The following FYN variants were observed in gnomAD, a reference collection of about 807,000 sequenced individuals.
FYN encodes tyrosine-protein kinase Fyn.
FYN carries 10 observed loss-of-function variants against 70.2 expected under a neutral mutation model. The ratio of observed to expected loss-of-function variants is 0.14; its 90% CI spans 0.09 to 0.24. The LOEUF is 0.24. Among genes scored for constraint, FYN ranks in the 10% least tolerant of loss-of-function variants. The pLI is 1.00. For synonymous variants in FYN, 236 were observed against 248.6 expected (o/e 0.95, Z 0.48); for missense variants, 319 against 673.1 (o/e 0.47, Z 5.82).
intron 6 of FYN, among the ~76,000 whole-genome samples, 183 bp downstream of exon 6, chr6:111,707,739 A>T (rs953659458): frequency 6.6e-6 from 1 of 152,216 alleles, no homozygotes; most frequent in South Asian, 2.1e-4. Flanking sequence ...GCTTCAAGAG[A>T]AACATTAAGT....
chr6:111,724,768 C>T (rs553380959), intron 3 of FYN, among the ~76,000 whole-genome samples: 1 of 152,194 alleles, frequency 6.6e-6, no homozygotes, highest in Admixed American at 6.5e-5. Context: ...TAGGCATAAT[C>T]CCTGCTTCTG....
chr6:111,783,355 T>C (rs1197243954), intron 2 of FYN, among the ~76,000 whole-genome samples: 3 of 152,054 alleles, frequency 2.0e-5, no homozygotes, highest in East Asian at 3.9e-4. Context: ...CTGATGAGAT[T>C]TCCACTCACA....
chr6:111,714,279 G>A (rs1325264390), intron 5 of FYN, 68 bp downstream of exon 5: 1 of 960,604 alleles, frequency 1.0e-6, no homozygotes, highest in African/African-American at 1.6e-5. Flanking sequence ...AAGAGATGCA[G>A]ACCAGAAATG....
chr6:111,689,621 C>T (rs190159326), intron 12 of FYN, among the ~76,000 whole-genome samples: 8 of 152,234 alleles, frequency 5.3e-5, no homozygotes, highest in Non-Finnish European at 1.0e-4. Context: ...AACTACTGTT[C>T]CATGCAGCAA....
intron 3 of FYN, among the ~76,000 whole-genome samples, chr6:111,749,149 A>T (rs1229680954): frequency 6.6e-6 from 1 of 152,192 alleles, no homozygotes; most frequent in African/African-American, 2.4e-5. Flanking sequence ...TAGTGCTGAC[A>T]TTTGGAATCT....
intron 1 of FYN, among the ~76,000 whole-genome samples, chr6:111,851,461 A>T (rs557148420): frequency 2.6e-5 from 4 of 152,296 alleles, no homozygotes; most frequent in Admixed American, 6.5e-5. Context: ...AGAGCACACA[A>T]CTTCTGACAG....
intron 8 of FYN, chr6:111,702,534 T>A (rs768156367): frequency 3.3e-5 from 6 of 179,282 alleles, no homozygotes; most frequent in Admixed American, 6.1e-5. Context: ...GGAGTCCCCA[T>A]GTAAGCGCCC....
At chr6:111,683,149 AG>A (rs1252498458) in intron 12 of FYN, among the ~76,000 whole-genome samples, 2 of 152,240 alleles carry the variant, frequency 1.3e-5, no homozygotes. Flanking sequence ...CTAGGCAGCC[AG>A]GGAGACAGAC....
intron 12 of FYN, among the ~76,000 whole-genome samples, chr6:111,681,183 A>G (rs1373630861): frequency 6.6e-6 from 1 of 152,114 alleles, no homozygotes; most frequent in East Asian, 1.9e-4. Flanking sequence ...GCACGCCACC[A>G]TGCCTGGCTA....
chr6:111,833,281 T>C (rs1773076702), intron 2 of FYN, among the ~76,000 whole-genome samples: 1 of 152,336 alleles, frequency 6.6e-6, no homozygotes, highest in South Asian at 2.1e-4. Context: ...TCAAATCCAG[T>C]GTAAGTTTAC....
At chr6:111,849,535 C>T (rs1051658341) in intron 1 of FYN, among the ~76,000 whole-genome samples, 8 of 152,198 alleles carry the variant, frequency 5.3e-5, no homozygotes, top group African/African-American at 1.9e-4. Context: ...GACAGTGCTG[C>T]ACAACAGAGG....
At chr6:111,668,587 C>T (rs142720637) in intron 13 of FYN, among the ~76,000 whole-genome samples, 7 of 152,088 alleles carry the variant, frequency 4.6e-5, no homozygotes, top group East Asian at 3.9e-4. Flanking sequence ...ACAAGGAGCA[C>T]GTGAGGCTGG....
chr6:111,763,752 TA>T (rs141262656), intron 3 of FYN, among the ~76,000 whole-genome samples: 125 of 152,272 alleles, frequency 8.2e-4, no homozygotes, highest in African/African-American at 2.6e-3. Flanking sequence ...AAGTGTAGCT[TA>T]GGGGGAAAAG....
At chr6:111,760,201 A>G (rs1343686511) in intron 3 of FYN, among the ~76,000 whole-genome samples, 1 of 152,196 alleles carries the variant, frequency 6.6e-6, no homozygotes, top group Non-Finnish European at 1.5e-5. Context: ...TAATACAGCC[A>G]GAAAAAAAAG....
At chr6:111,823,216 C>T (rs1772727944) in intron 2 of FYN, among the ~76,000 whole-genome samples, 1 of 152,144 alleles carries the variant, frequency 6.6e-6, no homozygotes, top group Admixed American at 6.5e-5. Flanking sequence ...GGTGTGGGGA[C>T]CCACAGGGAA....
intron 3 of FYN, among the ~76,000 whole-genome samples, chr6:111,725,147 G>T (rs908013494): frequency 6.6e-6 from 1 of 152,110 alleles, no homozygotes; most frequent in African/African-American, 2.4e-5. Context: ...CTTGATCCTC[G>T]CAAAATTAGA....
chr6:111,774,748 T>C (rs1562516008), intron 3 of FYN, among the ~76,000 whole-genome samples: 2 of 152,044 alleles, frequency 1.3e-5, no homozygotes, highest in African/African-American at 4.8e-5. Context: ...AGATGCAGTC[T>C]CACTCTGTCA....
intron 6 of FYN, 127 bp downstream of exon 6, chr6:111,707,795 G>A: frequency 1.5e-6 from 1 of 687,934 alleles, no homozygotes; most frequent in South Asian, 1.7e-5. Flanking sequence ...GGGGCAGAAA[G>A]CCTGAAAAAC....
At chr6:111,835,806 AG>A (rs10708469) in intron 2 of FYN, among the ~76,000 whole-genome samples, 22,827 of 152,012 alleles carry the variant, frequency 0.15, 3,007 homozygotes, top group African/African-American at 0.36. Context: ...AAAGGAAAAA[AG>A]GAGAAAAAGG....
Sources: gnomAD v4.1 joint callset for allele counts (sites outside exome capture counted in the v4.1 genomes callset) on GRCh38, gnomAD v4.1.1 for gene constraint, MANE v1.5 for transcripts, NCBI Gene and HGNC (gene_info 2026-07-23, HGNC 2026-07-21) for gene names.